The following XKR4 variants were observed in gnomAD, a reference collection of about 807,000 sequenced individuals.
The protein encoded by XKR4 is XK related 4.
Under a neutral mutation model 53.9 loss-of-function variants are expected in XKR4, and 12 were observed. That is an observed-to-expected ratio of 0.22 (90% CI 0.14 to 0.36). The LOEUF is 0.36. XKR4 is among the 10% of genes least tolerant of loss of function. The probability of loss-of-function intolerance (pLI) is 1.00; values close to 1 mark genes in which losing one functional copy is unlikely to be tolerated. For missense variants in XKR4, 799 were observed against 859.5 expected (o/e 0.93, Z 0.88); for synonymous variants, 354 against 362.4 (o/e 0.98, Z 0.26).
At chr8:55,300,416 A>G (rs1474299089) in intron 1 of XKR4, among the ~76,000 whole-genome samples, 1 of 152,152 alleles carries the variant, frequency 6.6e-6, no homozygotes, top group Non-Finnish European at 1.5e-5. Flanking sequence ...TTTCTGGGTG[A>G]TGACTAGTTC....
chr8:55,354,108 A>G (rs1803765045), intron 1 of XKR4, among the ~76,000 whole-genome samples: 1 of 152,196 alleles, frequency 6.6e-6, no homozygotes. Context: ...TTACCTAGAG[A>G]CAAATTAGTG....
At chr8:55,363,482 T>C (rs1409948799) in intron 2 of XKR4, among the ~76,000 whole-genome samples, 2 of 152,160 alleles carry the variant, frequency 1.3e-5, no homozygotes, top group African/African-American at 2.4e-5. Context: ...GCAAACACTG[T>C]TACCTGCTAA....
intron 1 of XKR4, among the ~76,000 whole-genome samples, chr8:55,298,925 T>A (rs1169849146): frequency 6.6e-6 from 1 of 152,222 alleles, no homozygotes; most frequent in African/African-American, 2.4e-5. Context: ...GGTTATTCTC[T>A]ATTGGAACAG....
At chr8:55,209,203 ATGTGTG>A (rs77094773) in intron 1 of XKR4, among the ~76,000 whole-genome samples, 35,345 of 149,230 alleles carry the variant, frequency 0.24, 4,581 homozygotes, top group East Asian at 0.46. Flanking sequence ...CAGTGTGTTT[ATGTGTG>A]TGTGTGTGTG....
At chr8:55,336,885 A>G (rs778677249) in intron 1 of XKR4, among the ~76,000 whole-genome samples, 2 of 152,198 alleles carry the variant, frequency 1.3e-5, no homozygotes, top group Non-Finnish European at 2.9e-5. Flanking sequence ...CATCAGGCGC[A>G]CACGAACCTT....
At chr8:55,228,298 C>G (rs1188750265) in intron 1 of XKR4, among the ~76,000 whole-genome samples, 1 of 152,108 alleles carries the variant, frequency 6.6e-6, no homozygotes, top group African/African-American at 2.4e-5. Flanking sequence ...TTGAATATGG[C>G]ATATTTCACG....
intron 1 of XKR4, among the ~76,000 whole-genome samples, chr8:55,211,144 G>C (rs778456960): frequency 1.1e-4 from 16 of 152,176 alleles, no homozygotes; most frequent in Non-Finnish European, 1.3e-4. Flanking sequence ...CTGCCTGCCT[G>C]ATTGGTTTCT....
chr8:55,279,774 G>A (rs1305401329), intron 1 of XKR4, among the ~76,000 whole-genome samples: 1 of 152,112 alleles, frequency 6.6e-6, no homozygotes, highest in Non-Finnish European at 1.5e-5. Flanking sequence ...CTCCAGAATG[G>A]GGCCATGTCT....
chr8:55,243,651 T>G, intron 1 of XKR4, among the ~76,000 whole-genome samples: 1 of 152,196 alleles, frequency 6.6e-6, no homozygotes, highest in East Asian at 1.9e-4. Flanking sequence ...CCAAACTATC[T>G]TCCAAAGTGG....
At position 55,329,341 on chromosome 8, in the gene XKR4, A is replaced by G. The variant is rs181220264; in HGVS notation, c.807-28337A>G. On this transcript the variant is annotated intron_variant, in intron 1 of 2. Transcript: ENST00000327381. Reference sequence around the variant, plus strand: ...ACGGCTCTGCATTGCTGCCCAACACAAATTCGTAAACTTTCTTCAAACATG... The same window carrying G: ...ACGGCTCTGCATTGCTGCCCAACACGAATTCGTAAACTTTCTTCAAACATG... Among the ~76,000 whole-genome samples, 342 of 152,122 alleles carry G rather than the reference A, an allele frequency of 2.2e-3. 1 individual carries two copies. Among genetic ancestry groups the G allele is most frequent in the African/African-American group, 7.8e-3 (324 of 41,506 alleles).
Position 55,357,853 on chromosome 8 carries a change from A to G in XKR4, c.982A>G (p.Thr328Ala). The change falls in exon 2 of 3, where the codon ACT becomes GCT. Residue 328 changes from threonine (T) to alanine (A), a missense_variant. Transcript: ENST00000327381. ...LVLQLCIIVQ[T>A]HSLQALQGFT... The stretch of plus-strand genomic sequence containing the variant: ...CCTGCAGCTCTGCATTATCGTACAG[A>G]CTCATAGCTTACAGGCCCTCCAAGG... 2 of 1,613,420 alleles carry G rather than the reference A, an allele frequency of 1.2e-6. No homozygotes were observed. The highest frequency in any genetic ancestry group is 1.7e-6 in the Non-Finnish European group (2 of 1,179,504).
intron 1 of XKR4, among the ~76,000 whole-genome samples, chr8:55,235,434 G>T (rs911521841): frequency 6.6e-6 from 1 of 152,176 alleles, no homozygotes; most frequent in Non-Finnish European, 1.5e-5. Context: ...TATCTGCCTC[G>T]TAGGTTGTTG....
chr8:55,206,981 T>G (rs190114297), intron 1 of XKR4, among the ~76,000 whole-genome samples: 6 of 152,214 alleles, frequency 3.9e-5, no homozygotes, highest in Non-Finnish European at 5.9e-5. Context: ...ATAGTCTGCT[T>G]AATCAGGGAG....
chr8:55,184,192 C>A (rs1471632929), intron 1 of XKR4, among the ~76,000 whole-genome samples: 2 of 151,932 alleles, frequency 1.3e-5, no homozygotes, highest in Admixed American at 1.3e-4. Flanking sequence ...TTTGTTGGTC[C>A]CTGTAGATAC....
chr8:55,493,439 T>G (rs1806299160), intron 2 of XKR4, among the ~76,000 whole-genome samples: 1 of 152,188 alleles, frequency 6.6e-6, no homozygotes, highest in African/African-American at 2.4e-5. Context: ...GCAGGGTAGT[T>G]TCTATCTTCT....
At chr8:55,462,139 C>A (rs1342369619) in intron 2 of XKR4, among the ~76,000 whole-genome samples, 1 of 152,086 alleles carries the variant, frequency 6.6e-6, no homozygotes, top group Non-Finnish European at 1.5e-5. Flanking sequence ...CAAAGATACT[C>A]CTCGAGAAGA....
At chr8:55,279,725 C>A (rs1476243144) in intron 1 of XKR4, among the ~76,000 whole-genome samples, 2 of 152,140 alleles carry the variant, frequency 1.3e-5, no homozygotes, top group Non-Finnish European at 2.9e-5. Context: ...GCCCGTCAGC[C>A]AGGGCACACA....
chr8:55,454,001 T>C, intron 2 of XKR4: 1 of 859,362 alleles, frequency 1.2e-6, no homozygotes, highest in Non-Finnish European at 1.9e-6. Context: ...GATGACAGGC[T>C]CCGGGTGAAT....
chr8:55,237,364 A>G (rs1448806820), intron 1 of XKR4, among the ~76,000 whole-genome samples: 1 of 152,254 alleles, frequency 6.6e-6, no homozygotes, highest in Non-Finnish European at 1.5e-5. Flanking sequence ...TATAATTTGT[A>G]CATTGTATGT....
Sources: gnomAD v4.1 joint callset for allele counts (sites outside exome capture counted in the v4.1 genomes callset) on GRCh38, gnomAD v4.1.1 for gene constraint, MANE v1.5 for transcripts, NCBI Gene and HGNC (gene_info 2026-07-23, HGNC 2026-07-21) for gene names.